CREBBP: variants seen among roughly 807,000 people sequenced by gnomAD.
CREBBP encodes the protein CREB binding lysine acetyltransferase, also known as CREB-binding protein.
Under a neutral mutation model 265.0 loss-of-function variants are expected in CREBBP, and 19 were observed. The ratio of observed to expected loss-of-function variants is 0.07; its 90% CI spans 0.05 to 0.11. The LOEUF (loss-of-function observed/expected upper bound fraction) is 0.11, where lower values mean the gene tolerates loss of function less well. Ranked by LOEUF, CREBBP falls within the 10% of genes least tolerant of loss-of-function variation. The pLI, the probability that CREBBP is intolerant of heterozygous loss-of-function variation, is 1.00. For synonymous variants in CREBBP, 1,457 were observed against 1,223.7 expected, an observed-to-expected ratio of 1.19 and a Z score of -3.98; for missense variants, 2,525 against 3,219.0, an observed-to-expected ratio of 0.78 and a Z score of 5.22.
chr16:3,740,730 A>G (rs2052183032), intron 23 of CREBBP, 181 bp from the exon 24 acceptor site: 1 of 770,622 alleles, frequency 1.3e-6, no homozygotes, highest in Admixed American at 2.2e-5. Context: ...GGAAAGGTGG[A>G]CTCTGGGATC....
At chr16:3,749,980 AGC>A (rs1387149288) in intron 20 of CREBBP, among the ~76,000 whole-genome samples, 3 of 152,112 alleles carry the variant, frequency 2.0e-5, no homozygotes. Flanking sequence ...GGCTCACTGC[AGC>A]CTTAACCTCC....
chr16:3,872,269 T>C (rs2055315003), intron 1 of CREBBP, among the ~76,000 whole-genome samples: 1 of 152,176 alleles, frequency 6.6e-6, no homozygotes, highest in South Asian at 2.1e-4. Flanking sequence ...CACTTTTGTT[T>C]ACTTCCATGC....
At position 3,736,926 on chromosome 16, in the gene CREBBP, G is replaced by A; in HGVS notation, c.4395-111C>T. 3.8e-6 allele frequency: 5 copies of A among 1,321,108 alleles called. No homozygotes were observed. In the South Asian group the frequency reaches 4.8e-5, roughly 13 times the overall value. 81.8% of individuals were successfully genotyped at this position (1,321,108 alleles called of 1,614,324 possible). A position where few individuals can be genotyped will look rare whatever the true frequency, so the allele number is the denominator to read the frequency against. On this transcript the variant is annotated intron_variant, in intron 26 of 30. Coordinates refer to ENST00000262367, the MANE Select transcript of CREBBP (RefSeq NM_004380.3). ...TAAAGCCAGGACAGAAGTAACCAGA[G>A]AGAGAGAATGAATGCCCACAAAGCT...
At position 3,814,667 on chromosome 16, in the gene CREBBP, A is replaced by T. The variant is rs556044129; in HGVS notation, c.799-3888T>A. Among the ~76,000 whole-genome samples the T allele has an allele frequency of 1.4e-3, 213 of 152,292 alleles. 1 individual carries two copies. The highest frequency in any genetic ancestry group is 2.6e-3 in the Non-Finnish European group (179 of 68,026). On this transcript the variant is annotated intron_variant, in intron 2 of 30. Coordinates refer to ENST00000262367, the MANE Select transcript of CREBBP (RefSeq NM_004380.3). ...TGGCCATCAGATAAGAGAGTGAAGG[A>T]AACAGTCTCAACAAGTTTTTACCTT...
chr16:3,809,224 C>G (rs548712672), intron 3 of CREBBP, among the ~76,000 whole-genome samples: 161 of 152,000 alleles, frequency 1.1e-3, no homozygotes, highest in African/African-American at 3.0e-3. Flanking sequence ...GCCACCCAGG[C>G]TAGAGTGCAG....
chr16:3,728,451 T>TGCA lies in CREBBP; in HGVS notation c.6593_6595dup (p.Leu2198dup). On this transcript the variant is annotated inframe_insertion, in exon 31 of 31. Transcript: ENST00000262367. This position sits in a 1 kb window ranked among gnomAD's most constrained non-coding sequence, Gnocchi z 8.7. ...TTGCTGCTGCTGTTGCTGCTGCTGC[T>TGCA]GCAGCAGCTGCCTCCGTAACATTTC... 1 of 1,613,350 alleles carries TGCA rather than the reference T, an allele frequency of 6.2e-7. No individual in the cohort carries two copies. Among genetic ancestry groups the TGCA allele is most frequent in the South Asian group, 1.1e-5 (1 of 91,056 alleles).
intron 2 of CREBBP, among the ~76,000 whole-genome samples, chr16:3,844,142 C>A (rs1368038094): frequency 8.6e-6 from 1 of 115,784 alleles, no homozygotes; most frequent in African/African-American, 3.5e-5. Flanking sequence ...AGCGAGACTC[C>A]GTCTCAAAAA....
intron 1 of CREBBP, among the ~76,000 whole-genome samples, chr16:3,870,266 GTTCCT>G (rs1280347484): frequency 3.9e-5 from 6 of 152,262 alleles, no homozygotes; most frequent in African/African-American, 1.4e-4. Context: ...AGCTGAATCT[GTTCCT>G]TTCAAGATCT....
rs768232855 is a variant in CREBBP at position 3,769,226 on chromosome 16, G to A, written c.3008C>T (p.Ala1003Val). 6.2e-7 allele frequency: 1 copy of A among 1,614,134 alleles called. No individual in the cohort carries two copies. The highest frequency in any genetic ancestry group is 8.5e-7 in the Non-Finnish European group (1 of 1,180,016). ...ACCAGGATCGGGCTCAGTGTCCTCT[G>A]CTTGGGTCTCCGTCTTCATTTCCAG... ...PVLEMKTETQ[A>V]EDTEPDPGES... The change falls in exon 15 of 31, where the codon GCA becomes GTA. Residue 1003 changes from alanine to valine, a missense_variant. Transcript: ENST00000262367.
intron 2 of CREBBP, 123 bp from the exon 3 acceptor site, chr16:3,810,902 A>AT (rs776014604): frequency 8.4e-5 from 84 of 996,262 alleles, no homozygotes; most frequent in Non-Finnish European, 1.3e-4. Context: ...AAGGTTCATT[A>AT]TCAGGTTCAC....
rs1567360388 is a variant in CREBBP at position 3,849,438 on chromosome 16, T to TG, written c.798+858dup. ...GTGTGTGTGTGTGTGTGTGTGTGTG[T>TG]GTGTGTGTGTGTGTGTGTGTGTGTG... is the stretch of plus-strand genomic sequence containing the variant. On this transcript the variant is annotated intron_variant, in intron 2 of 30. Coordinates refer to ENST00000262367, the MANE Select transcript of CREBBP (RefSeq NM_004380.3). Among the ~76,000 whole-genome samples the TG allele has an allele frequency of 7.7e-3, 99 of 12,786 alleles. 4 individuals carry two copies. Among genetic ancestry groups the TG allele is most frequent in the Non-Finnish European group, 0.024 (48 of 1,988 alleles). The allele number at this position is 12,786 out of a possible 152,430, so 8.4% of individuals were successfully genotyped here.
At chr16:3,805,960 C>G (rs1368784684) in intron 3 of CREBBP, among the ~76,000 whole-genome samples, 1 of 152,196 alleles carries the variant, frequency 6.6e-6, no homozygotes, top group Admixed American at 6.5e-5. Context: ...AAGAAAAAAG[C>G]TGAAGTTTCA....
chr16:3,782,784 G>C lies in CREBBP; in HGVS notation c.1473C>G (p.Pro491=). Residue 491 remains proline (P), a synonymous_variant, in exon 6 of 31, where the codon CCC becomes CCG. Coordinates refer to ENST00000262367, the MANE Select transcript of CREBBP (RefSeq NM_004380.3). ...GCTGCGTCTGGGGCTGGTTCATGTAGGGGAGTCCGAGAGCAGCATAGGCTC... is the reference window on the plus strand; with the variant it reads ...GCTGCGTCTGGGGCTGGTTCATGTACGGGAGTCCGAGAGCAGCATAGGCTC... ...MQRAYAALGL[P]YMNQPQTQLQ... is the part of the protein sequence containing the mutation. The C allele has an allele frequency of 1.2e-6, 2 of 1,614,164 alleles. No homozygotes were observed. Among genetic ancestry groups the C allele is most frequent in the South Asian group, 1.1e-5 (1 of 91,080 alleles).
At chr16:3,787,069 T>TAAAAAAAAAAAAA (rs1439556380) in intron 5 of CREBBP, among the ~76,000 whole-genome samples, 1 of 128,326 alleles carries the variant, frequency 7.8e-6, no homozygotes, top group African/African-American at 3.6e-5. Context: ...AGACTTCGTC[T>TAAAAAAAAAAAAA]CAAAAAAAAA....
At position 3,738,037 on chromosome 16, in the gene CREBBP, C is replaced by G. The variant is rs139464647; in HGVS notation, c.4394+522G>C. 8.3e-3 allele frequency among the ~76,000 whole-genome samples: 1,258 copies of G among 151,912 alleles called. 8 individuals are homozygous for G. Among genetic ancestry groups the G allele is most frequent in the South Asian group, 0.018 (84 of 4,790 alleles). ...TCCTGACCTTGTGATCCGCCCGCCT[C>G]GGCCTCCCAAAGTGCTGAGATTACA... is the stretch of plus-strand genomic sequence containing the variant. On this transcript the variant is annotated intron_variant, in intron 26 of 30. Transcript: ENST00000262367.
In CREBBP at chr16:3,731,959, T is replaced by A. The variant is rs2051929337; in HGVS notation, c.4729-22A>T. ...TGCCCTGCAACAACACGCAAGGCTG[T>A]GAGACCAGGCAAGTGCCCCTCCACA... is the stretch of plus-strand genomic sequence containing the variant. On this transcript the variant is annotated intron_variant, in intron 28 of 30. Transcript: ENST00000262367. This position sits in a 1 kb window ranked among gnomAD's most constrained non-coding sequence, Gnocchi z 7.7. The A allele has an allele frequency of 6.2e-7, 1 of 1,614,166 alleles. No homozygotes were observed. The highest frequency in any genetic ancestry group is 8.5e-7 in the Non-Finnish European group (1 of 1,180,036).
chr16:3,772,596 G>A (rs1363982874), intron 13 of CREBBP, among the ~76,000 whole-genome samples: 1 of 152,130 alleles, frequency 6.6e-6, no homozygotes, highest in African/African-American at 2.4e-5. Flanking sequence ...AAGAACAGAA[G>A]TGATGAAAAC....
intron 16 of CREBBP, among the ~76,000 whole-genome samples, chr16:3,759,731 T>G (rs2052669394): frequency 6.6e-6 from 1 of 152,134 alleles, no homozygotes; most frequent in South Asian, 2.1e-4. Flanking sequence ...AGCTACAAAA[T>G]AAAGCATTTT....
chr16:3,835,334 ATTG>A (rs1358807448), intron 2 of CREBBP, among the ~76,000 whole-genome samples: 2 of 152,070 alleles, frequency 1.3e-5, no homozygotes, highest in Non-Finnish European at 2.9e-5. Context: ...TCCATCCCAG[ATTG>A]TTTTCTTTTT....
Sources: allele counts gnomAD v4.1 joint callset (sites outside exome capture counted in the v4.1 genomes callset), GRCh38; gene constraint gnomAD v4.1.1; non-coding constraint Gnocchi (gnomAD v3.1); transcripts MANE v1.5; gene names NCBI Gene and HGNC (gene_info 2026-07-23, HGNC 2026-07-21).